SNX22: variants seen among roughly 807,000 people sequenced by gnomAD.
The protein encoded by SNX22 is sorting nexin-22.
A neutral mutation model predicts 24.7 loss-of-function variants in SNX22; 23 were observed. The observed-to-expected ratio is 0.93, with a 90% CI of 0.67 to 1.32. The LOEUF is 1.32. Ranked by LOEUF, SNX22 falls within the 40% of genes most tolerant of loss-of-function variation. The pLI is 0.00. For missense variants in SNX22, 261 were observed against 249.9 expected (o/e 1.04, Z -0.30); for synonymous variants, 99 against 104.0 (o/e 0.95, Z 0.29).
chr15:64,155,883 T>C lies in SNX22; in HGVS notation c.*1375T>C. ...TGTTGGTAGGAGTTTGTTACAAAAG[T>C]GAGTCCATGGGCCTGTGGAATGTGA... On this transcript the variant is annotated 3_prime_UTR_variant, in exon 7 of 7. Transcript: ENST00000325881. 1 of 1,291,214 alleles carries C rather than the reference T, an allele frequency of 7.7e-7. No individual in the cohort carries two copies. The allele number at this position is 1,291,214 out of a possible 1,614,324, so 80.0% of individuals were successfully genotyped here.
In SNX22 at chr15:64,153,105, G is replaced by A. The variant is rs904785465; in HGVS notation, c.265-140G>A. On this transcript the variant is annotated intron_variant, in intron 3 of 6. Coordinates refer to ENST00000325881, the MANE Select transcript of SNX22 (RefSeq NM_024798.3). ...GCACACAGCGCCCAGCGCCCAGAAGGGCCCTGAGCCTGGTTCAACGCTCTG... is the reference window on the plus strand; with the variant it reads ...GCACACAGCGCCCAGCGCCCAGAAGAGCCCTGAGCCTGGTTCAACGCTCTG... 6 of 1,028,352 alleles carry A rather than the reference G, an allele frequency of 5.8e-6. No homozygotes were observed. The Admixed American group carries it at 9.7e-5, about 17-fold the overall frequency. 63.7% of individuals were successfully genotyped at this position (1,028,352 alleles called of 1,614,324 possible). A position where few individuals can be genotyped will look rare whatever the true frequency, so the allele number is the denominator to read the frequency against.
At position 64,154,018 on chromosome 15, in the gene SNX22, G is replaced by C. The variant is rs2081507401; in HGVS notation, c.460+16G>C. 1 of 1,614,174 alleles carries C rather than the reference G, an allele frequency of 6.2e-7. No homozygotes were observed. Among genetic ancestry groups the C allele is most frequent in the Non-Finnish European group, 8.5e-7 (1 of 1,180,028 alleles). Reference sequence around the variant, plus strand: ...CCCTCCCCAGGTGAGGAGGTGCCTAGATATGGGGCTACAGGGCTGGGTTGT... The same window carrying C: ...CCCTCCCCAGGTGAGGAGGTGCCTACATATGGGGCTACAGGGCTGGGTTGT... On this transcript the variant is annotated intron_variant, in intron 6 of 6. Transcript: ENST00000325881.
rs1199194019 is a variant in SNX22 at position 64,157,088 on chromosome 15, C to CT, written c.*2581dup. On this transcript the variant is annotated 3_prime_UTR_variant, in exon 7 of 7. Transcript: ENST00000325881. This position sits in a 1 kb window ranked among gnomAD's most constrained non-coding sequence, Gnocchi z 4.2. ...TGGCCTCAGAGCCAAGCCATGCTGACTGAGGCCAAGTGGGGCATCAGGCCA... is the reference window on the plus strand; with the variant it reads ...TGGCCTCAGAGCCAAGCCATGCTGACTTGAGGCCAAGTGGGGCATCAGGCCA... The CT allele has an allele frequency of 4.5e-6, 3 of 662,316 alleles. No individual in the cohort carries two copies. The highest frequency in any genetic ancestry group is 7.7e-6 in the Non-Finnish European group (3 of 391,920). 41.0% of individuals were successfully genotyped at this position (662,316 alleles called of 1,614,324 possible).
At position 64,154,580 on chromosome 15, in the gene SNX22, G is replaced by A. The variant is rs1338626459; in HGVS notation, c.*72G>A. On this transcript the variant is annotated 3_prime_UTR_variant, in exon 7 of 7. Transcript: ENST00000325881. ...TGTCCTATGAACTCCATATAAGGCT[G>A]GGTCCTCCTTTGGCCTGGACCCAGG... The A allele has an allele frequency of 1.1e-5, 18 of 1,572,694 alleles. No individual in the cohort carries two copies. The East Asian group carries it at 1.6e-4, about 14-fold the overall frequency.
At position 64,155,676 on chromosome 15, in the gene SNX22, C is replaced by T; in HGVS notation, c.*1168C>T. The T allele has an allele frequency of 3.1e-6, 1 of 321,252 alleles. No individual in the cohort carries two copies. The highest frequency in any genetic ancestry group is 3.0e-5 in the South Asian group (1 of 33,514). The allele number at this position is 321,252 out of a possible 1,614,324, so 19.9% of individuals were successfully genotyped here. ...GGCAAAAGCTCCTGCCTGACTTTTCCTGGGTAGCTCCTGGGTCAAAATTTC... is the reference window on the plus strand; with the variant it reads ...GGCAAAAGCTCCTGCCTGACTTTTCTTGGGTAGCTCCTGGGTCAAAATTTC... On this transcript the variant is annotated 3_prime_UTR_variant, in exon 7 of 7. Transcript: ENST00000325881.
intron 1 of SNX22, 120 bp downstream of exon 1, chr15:64,151,970 G>T (rs1399824400): frequency 1.9e-6 from 2 of 1,054,888 alleles, no homozygotes; most frequent in South Asian, 1.8e-5. Flanking sequence ...GGACCGTCGG[G>T]GGAAACCTTG....
chr15:64,153,908 AT>A, intron 5 of SNX22, 26 bp from the exon 6 acceptor site: 1 of 1,604,228 alleles, frequency 6.2e-7, no homozygotes, highest in Non-Finnish European at 8.5e-7. Flanking sequence ...TCCCGCACCC[AT>A]GGTTCATGAC....
In SNX22 at chr15:64,155,856, A is replaced by C; in HGVS notation, c.*1348A>C. 4.4e-6 allele frequency: 4 copies of C among 903,866 alleles called. No individual in the cohort carries two copies. The highest frequency in any genetic ancestry group is 6.8e-6 in the Non-Finnish European group (4 of 585,290). The allele number at this position is 903,866 out of a possible 1,614,324, so 56.0% of individuals were successfully genotyped here. On this transcript the variant is annotated 3_prime_UTR_variant, in exon 7 of 7. Coordinates refer to ENST00000325881, the MANE Select transcript of SNX22 (RefSeq NM_024798.3). ...AAACCCACATTTTTTTTTATTGGTC[A>C]GTGTTGGTAGGAGTTTGTTACAAAA...
chr15:64,151,922 C>G, intron 1 of SNX22, 72 bp downstream of exon 1: 1 of 1,373,842 alleles, frequency 7.3e-7, no homozygotes, highest in South Asian at 1.3e-5. Context: ...TCAGTGGGGA[C>G]CCGGGGCCCG....
At position 64,156,669 on chromosome 15, in the gene SNX22, T is replaced by C; in HGVS notation, c.*2161T>C. On this transcript the variant is annotated 3_prime_UTR_variant, in exon 7 of 7. Transcript: ENST00000325881. The surrounding 1 kb of genome is among the most constrained non-coding windows in gnomAD (Gnocchi z 6.4). ...CACATGGAGCTCCTGCCCTGGGGTC[T>C]GTGTTGAATCCCCGGTGAGGATTGC... 3.7e-6 allele frequency: 6 copies of C among 1,601,114 alleles called. No individual in the cohort carries two copies. Among genetic ancestry groups the C allele is most frequent in the Non-Finnish European group, 5.1e-6 (6 of 1,168,242 alleles).
In SNX22 at chr15:64,157,149, T is replaced by G. The variant is rs2081539425; in HGVS notation, c.*2641T>G. 6.9e-6 allele frequency: 4 copies of G among 577,798 alleles called. No individual in the cohort carries two copies. The East Asian group carries it at 1.1e-4, about 17-fold the overall frequency. 35.8% of individuals were successfully genotyped at this position (577,798 alleles called of 1,614,324 possible). ...GTGAACAGCTCACAGAAGGATTACT[T>G]TGAGAAGATAGTTTTGTGGCTTTTA... is the stretch of plus-strand genomic sequence containing the variant. On this transcript the variant is annotated 3_prime_UTR_variant, in exon 7 of 7. Coordinates refer to ENST00000325881, the MANE Select transcript of SNX22 (RefSeq NM_024798.3). This position sits in a 1 kb window ranked among gnomAD's most constrained non-coding sequence, Gnocchi z 4.2.
rs564988457 is a variant in SNX22, at chr15:64,154,664, C to T, written c.*156C>T. On this transcript the variant is annotated 3_prime_UTR_variant, in exon 7 of 7. Transcript: ENST00000325881. ...CCCACTCAAGGCTCAGAACTTGGCT[C>T]GCATTGGTAGCTGGAGGTGGTAGAA... The T allele has an allele frequency of 1.5e-4, 148 of 964,896 alleles. No homozygotes were observed. Among genetic ancestry groups the T allele is most frequent in the Admixed American group, 2.5e-4 (10 of 39,646 alleles). 59.8% of individuals were successfully genotyped at this position (964,896 alleles called of 1,614,324 possible).
rs775675512 is a variant in SNX22, at chr15:64,156,138, A to G, written c.*1630A>G. ...TGTCTTGGTGCTCTCCACCTTCCGC[A>G]CCACCTCCTGGAAAAGAAAGGTGGA... On this transcript the variant is annotated 3_prime_UTR_variant, in exon 7 of 7. Transcript: ENST00000325881. The surrounding 1 kb of genome is among the most constrained non-coding windows in gnomAD (Gnocchi z 6.4). 1 of 1,614,008 alleles carries G rather than the reference A, an allele frequency of 6.2e-7. No homozygotes were observed. The highest frequency in any genetic ancestry group is 8.5e-7 in the Non-Finnish European group (1 of 1,179,990).
intron 1 of SNX22, 77 bp downstream of exon 1, chr15:64,151,927 G>T: frequency 1.5e-6 from 2 of 1,371,112 alleles, no homozygotes; most frequent in Non-Finnish European, 1.9e-6. Context: ...GGGGACCCGG[G>T]GCCCGGGCCT....
Position 64,156,655 on chromosome 15 carries a change from C to T in SNX22, c.*2147C>T, listed in dbSNP as rs1319047166. The T allele has an allele frequency of 6.3e-7, 1 of 1,582,140 alleles. No homozygotes were observed. Among genetic ancestry groups the T allele is most frequent in the African/African-American group, 1.3e-5 (1 of 74,196 alleles). ...GGGAAAGGGATGGACACATGGAGCT[C>T]CTGCCCTGGGGTCTGTGTTGAATCC... On this transcript the variant is annotated 3_prime_UTR_variant, in exon 7 of 7. Transcript: ENST00000325881. The surrounding 1 kb of genome is among the most constrained non-coding windows in gnomAD (Gnocchi z 6.4).
chr15:64,153,862 C>A (rs1485659786), intron 5 of SNX22, 73 bp from the exon 6 acceptor site: 2 of 1,591,598 alleles, frequency 1.3e-6, no homozygotes, highest in Non-Finnish European at 1.7e-6. Context: ...GTGATGGCAA[C>A]CCCGTCTCCA....
intron 5 of SNX22, 92 bp from the exon 6 acceptor site, chr15:64,153,843 G>A: frequency 6.3e-7 from 1 of 1,590,020 alleles, no homozygotes; most frequent in African/African-American, 1.3e-5. Flanking sequence ...TTTCCTTCAT[G>A]GGTCCCTGGT....
Position 64,156,541 on chromosome 15 carries a change from C to A in SNX22, c.*2033C>A. ...CCTTCCTGGCTGGGCTCTGAGGGGG[C>A]TGGAAGAATTTAGAACCTTGGAGGC... On this transcript the variant is annotated 3_prime_UTR_variant, in exon 7 of 7. Coordinates refer to ENST00000325881, the MANE Select transcript of SNX22 (RefSeq NM_024798.3). The surrounding 1 kb of genome is among the most constrained non-coding windows in gnomAD (Gnocchi z 6.4). 1.3e-6 allele frequency: 1 copy of A among 791,138 alleles called. No individual in the cohort carries two copies. The highest frequency in any genetic ancestry group is 2.1e-6 in the Non-Finnish European group (1 of 470,578). The allele number at this position is 791,138 out of a possible 1,614,324, so 49.0% of individuals were successfully genotyped here.
Position 64,156,582 on chromosome 15 carries a change from T to G in SNX22, c.*2074T>G. On this transcript the variant is annotated 3_prime_UTR_variant, in exon 7 of 7. Coordinates refer to ENST00000325881, the MANE Select transcript of SNX22 (RefSeq NM_024798.3). The surrounding 1 kb of genome is among the most constrained non-coding windows in gnomAD (Gnocchi z 6.4). ...CCTTGGAGGCATGGAGGTACAGGGT[T>G]TATTCTGGACAGGAGCACTGGGCTG... 1 of 1,032,920 alleles carries G rather than the reference T, an allele frequency of 9.7e-7. No individual in the cohort carries two copies. Among genetic ancestry groups the G allele is most frequent in the Non-Finnish European group, 1.5e-6 (1 of 657,298 alleles). The allele number at this position is 1,032,920 out of a possible 1,614,324, so 64.0% of individuals were successfully genotyped here. A position where few individuals can be genotyped will look rare whatever the true frequency, so the allele number is the denominator to read the frequency against.
Sources: allele counts gnomAD v4.1 joint callset, GRCh38; gene constraint gnomAD v4.1.1; non-coding constraint Gnocchi (gnomAD v3.1); transcripts MANE v1.5; gene names NCBI Gene and HGNC (gene_info 2026-07-23, HGNC 2026-07-21).